The following GRIN3A variants were observed in gnomAD, a reference collection of about 807,000 sequenced individuals.
GRIN3A encodes the protein glutamate receptor ionotropic, NMDA 3A.
Under a neutral mutation model 92.4 loss-of-function variants are expected in GRIN3A, and 47 were observed. That is an observed-to-expected ratio of 0.51 (90% CI 0.40 to 0.65). The LOEUF is 0.65. Among genes scored for constraint, GRIN3A ranks in the 30% least tolerant of loss-of-function variants. The pLI is 0.00. For missense variants in GRIN3A, 1,324 were observed against 1,393.1 expected (o/e 0.95, Z 0.79); for synonymous variants, 527 against 540.6 (o/e 0.97, Z 0.35).
At chr9:101,659,259 G>A (rs1485308271) in intron 3 of GRIN3A, among the ~76,000 whole-genome samples, 1 of 151,486 alleles carries the variant, frequency 6.6e-6, no homozygotes, top group Non-Finnish European at 1.5e-5. Context: ...AGACATGTAT[G>A]CTGATAATTG....
rs143295345 is a variant in GRIN3A, at chr9:101,721,111, C to T, written c.699+16170G>A. On this transcript the variant is annotated intron_variant, in intron 1 of 8. Transcript: ENST00000361820. The stretch of plus-strand genomic sequence containing the variant: ...GGCTGTGTCTCCACCCAAATCTCAA[C>T]TTGAATTGTATCTGCCTGGATTCCC... 1.7e-3 allele frequency among the ~76,000 whole-genome samples: 264 copies of T among 152,294 alleles called. 2 individuals are homozygous for T. The highest frequency in any genetic ancestry group is 3.4e-3 in the Middle Eastern group (1 of 294).
intron 1 of GRIN3A, among the ~76,000 whole-genome samples, chr9:101,694,834 A>C (rs1829664013): frequency 6.6e-6 from 1 of 152,154 alleles, no homozygotes; most frequent in African/African-American, 2.4e-5. Context: ...CCAAGAACAG[A>C]TAATCATTAG....
At chr9:101,618,723 A>G (rs1235742106) in intron 5 of GRIN3A, among the ~76,000 whole-genome samples, 1 of 152,198 alleles carries the variant, frequency 6.6e-6, no homozygotes, top group Non-Finnish European at 1.5e-5. Flanking sequence ...AAAGAGATAA[A>G]AATCCATTTT....
chr9:101,660,306 A>G (rs761449823), intron 3 of GRIN3A, among the ~76,000 whole-genome samples: 3 of 151,818 alleles, frequency 2.0e-5, no homozygotes, highest in Non-Finnish European at 4.4e-5. Context: ...TGCAAAATAC[A>G]TACAATAATT....
chr9:101,694,587 C>A (rs1829657780), intron 1 of GRIN3A, among the ~76,000 whole-genome samples: 2 of 152,272 alleles, frequency 1.3e-5, no homozygotes, highest in South Asian at 4.1e-4. Flanking sequence ...CTCACCCAAA[C>A]CTTGGTAATC....
At chr9:101,645,699 T>G (rs1828928687) in intron 3 of GRIN3A, among the ~76,000 whole-genome samples, 2 of 148,000 alleles carry the variant, frequency 1.4e-5, no homozygotes, top group Non-Finnish European at 3.0e-5. Flanking sequence ...ATTATATATA[T>G]AAAATATATA....
chr9:101,590,669 C>A (rs879601313), intron 6 of GRIN3A, among the ~76,000 whole-genome samples: 1 of 152,064 alleles, frequency 6.6e-6, no homozygotes, highest in Non-Finnish European at 1.5e-5. Context: ...CATGAGCCAC[C>A]GCGCCCGGCC....
chr9:101,732,163 T>C lies in GRIN3A; in HGVS notation c.699+5118A>G, dbSNP rs371459011. Among the ~76,000 whole-genome samples, 11 of 152,322 alleles carry C rather than the reference T, an allele frequency of 7.2e-5. No homozygotes were observed. The East Asian group carries it at 1.9e-3, about 27-fold the overall frequency. On this transcript the variant is annotated intron_variant, in intron 1 of 8. Transcript: ENST00000361820. ...GGCAATGGGACTCAAAGTAGCTGGT[T>C]TGTAAATTATATATCCATGATGAGA...
chr9:101,668,431 TG>T (rs1829271179), intron 3 of GRIN3A, among the ~76,000 whole-genome samples: 2 of 152,034 alleles, frequency 1.3e-5, no homozygotes, highest in East Asian at 3.9e-4. Context: ...GGAGTCACTT[TG>T]TTGAGATTCT....
At chr9:101,715,301 C>T (rs969634268) in intron 1 of GRIN3A, among the ~76,000 whole-genome samples, 4 of 151,502 alleles carry the variant, frequency 2.6e-5, no homozygotes, top group African/African-American at 9.7e-5. Flanking sequence ...GGACCATGGG[C>T]GTCCCATTAC....
intron 6 of GRIN3A, among the ~76,000 whole-genome samples, chr9:101,612,539 G>A (rs1828380614): frequency 6.6e-6 from 1 of 152,108 alleles, no homozygotes; most frequent in Non-Finnish European, 1.5e-5. Context: ...ATACAACTTT[G>A]GGAGTTCTTG....
intron 6 of GRIN3A, among the ~76,000 whole-genome samples, chr9:101,605,941 C>T (rs537630810): frequency 3.5e-4 from 53 of 152,306 alleles, no homozygotes; most frequent in Non-Finnish European, 6.3e-4. Context: ...AAGTAAGATA[C>T]GCATTAAACT....
intron 1 of GRIN3A, among the ~76,000 whole-genome samples, chr9:101,713,457 G>C (rs2119017834): frequency 6.6e-6 from 1 of 152,314 alleles, no homozygotes; most frequent in South Asian, 2.1e-4. Flanking sequence ...GGAAGTCTAG[G>C]ATAGAGCCTA....
At chr9:101,735,879 C>G (rs944302563) in intron 1 of GRIN3A, among the ~76,000 whole-genome samples, 2 of 147,716 alleles carry the variant, frequency 1.4e-5, no homozygotes, top group Non-Finnish European at 3.1e-5. Flanking sequence ...AGCCTGCACT[C>G]TACAGATCAA....
In GRIN3A at chr9:101,670,627, G is replaced by A. The variant is rs369210508; in HGVS notation, c.1785C>T (p.Phe595=). The part of the protein sequence containing the change: ...EKIAEDMNFD[F]DLYIVGDGKY... Reference sequence around the variant, plus strand: ...TTCCATCCCCTACAATATAGAGGTCGAAGTCAAAGTTCATGTCTTCTGCTA... The same window carrying A: ...TTCCATCCCCTACAATATAGAGGTCAAAGTCAAAGTTCATGTCTTCTGCTA... Residue 595 remains phenylalanine (F), a synonymous_variant, in exon 3 of 9, where the codon TTC becomes TTT. Transcript: ENST00000361820. 132 of 1,613,986 alleles carry A rather than the reference G, an allele frequency of 8.2e-5. No individual in the cohort carries two copies. Among genetic ancestry groups the A allele is most frequent in the Middle Eastern group, 3.3e-4 (2 of 6,062 alleles).
intron 1 of GRIN3A, among the ~76,000 whole-genome samples, chr9:101,697,901 T>C (rs1829703336): frequency 1.3e-5 from 2 of 152,360 alleles, no homozygotes; most frequent in Non-Finnish European, 1.5e-5. Flanking sequence ...GTATAAATGA[T>C]ACTTGTGGTT....
chr9:101,710,807 C>T (rs967989532), intron 1 of GRIN3A, among the ~76,000 whole-genome samples: 1 of 152,176 alleles, frequency 6.6e-6, no homozygotes, highest in African/African-American at 2.4e-5. Flanking sequence ...AAATCATTCA[C>T]ATTAATAGAT....
rs1042517889 is a variant in GRIN3A at position 101,706,025 on chromosome 9, T to C, written c.700-18825A>G. ...AACGAGAAGCAAGAATCATTTCAAG[T>C]AAATTCATAATTATAATAATAAGTT... On this transcript the variant is annotated intron_variant, in intron 1 of 8. Transcript: ENST00000361820. Among the ~76,000 whole-genome samples the C allele has an allele frequency of 3.3e-5, 5 of 152,324 alleles. No homozygotes were observed. The East Asian group carries it at 9.6e-4, about 29-fold the overall frequency.
intron 3 of GRIN3A, among the ~76,000 whole-genome samples, chr9:101,645,820 AG>A (rs1828930952): frequency 6.6e-6 from 1 of 151,028 alleles, no homozygotes; most frequent in African/African-American, 2.4e-5. Flanking sequence ...CCTTATGATT[AG>A]TGATGTTGAG....
Sources: allele counts gnomAD v4.1 joint callset (sites outside exome capture counted in the v4.1 genomes callset), GRCh38; gene constraint gnomAD v4.1.1; transcripts MANE v1.5; gene names NCBI Gene and HGNC (gene_info 2026-07-23, HGNC 2026-07-21).